The following ZNF804B variants were observed in gnomAD, a reference collection of about 807,000 sequenced individuals.
The protein encoded by ZNF804B is zinc finger protein 804B.
Under a neutral mutation model 101.4 loss-of-function variants are expected in ZNF804B, and 80 were observed. That is an observed-to-expected ratio of 0.79 (90% CI 0.66 to 0.95). The LOEUF (loss-of-function observed/expected upper bound fraction) is 0.95. Among genes scored for constraint, ZNF804B ranks in the 40% least tolerant of loss-of-function variants. The pLI, the probability that ZNF804B is intolerant of heterozygous loss-of-function variation, is 0.00. For missense variants in ZNF804B, 1,673 were observed against 1,561.9 expected, an observed-to-expected ratio of 1.07 and a Z score of -1.20; for synonymous variants, 622 against 558.8, an observed-to-expected ratio of 1.11 and a Z score of -1.59.
chr7:88,824,987 G>A (rs1279006566), intron 1 of ZNF804B, among the ~76,000 whole-genome samples: 1 of 152,110 alleles, frequency 6.6e-6, no homozygotes, highest in African/African-American at 2.4e-5. Flanking sequence ...AATGATCCTG[G>A]CTTTGAAAAC....
chr7:88,783,798 C>T (rs1279521645), intron 1 of ZNF804B, among the ~76,000 whole-genome samples: 1 of 152,008 alleles, frequency 6.6e-6, no homozygotes, highest in Middle Eastern at 3.2e-3. Flanking sequence ...AACGGTAGAA[C>T]ATAGTAGGAA....
chr7:88,980,598 A>G (rs1405035299), intron 1 of ZNF804B, among the ~76,000 whole-genome samples: 1 of 152,074 alleles, frequency 6.6e-6, no homozygotes, highest in Non-Finnish European at 1.5e-5. Flanking sequence ...TTCTTGGATA[A>G]GATCAGGAAG....
chr7:89,247,884 A>G (rs1255107427), intron 2 of ZNF804B, among the ~76,000 whole-genome samples: 1 of 152,196 alleles, frequency 6.6e-6, no homozygotes, highest in Non-Finnish European at 1.5e-5. Context: ...GAAAGAAGAG[A>G]TAAGCATATT....
chr7:89,117,228 A>T (rs1583996397), intron 1 of ZNF804B, among the ~76,000 whole-genome samples: 1 of 152,226 alleles, frequency 6.6e-6, no homozygotes, highest in East Asian at 1.9e-4. Flanking sequence ...TCTGGCCTCC[A>T]GAAATATGAC....
intron 1 of ZNF804B, among the ~76,000 whole-genome samples, chr7:89,078,810 C>T (rs1388027587): frequency 1.3e-5 from 2 of 151,812 alleles, no homozygotes; most frequent in Admixed American, 6.6e-5. Context: ...GTCTTTCTAA[C>T]CTCCCTTCTT....
chr7:89,176,802 C>T (rs899198714), intron 1 of ZNF804B, among the ~76,000 whole-genome samples: 1 of 151,384 alleles, frequency 6.6e-6, no homozygotes, highest in African/African-American at 2.4e-5. Context: ...TTTATTACAG[C>T]CTTGATCTCA....
chr7:88,787,378 A>G (rs1334330101), intron 1 of ZNF804B, among the ~76,000 whole-genome samples: 3 of 152,012 alleles, frequency 2.0e-5, no homozygotes, highest in Non-Finnish European at 2.9e-5. Context: ...CTGTTAACCA[A>G]ATAGTGAACT....
chr7:88,803,074 C>T (rs1039092997), intron 1 of ZNF804B, among the ~76,000 whole-genome samples: 4 of 151,862 alleles, frequency 2.6e-5, no homozygotes, highest in South Asian at 4.2e-4. Flanking sequence ...GAAATCTAGC[C>T]ATGTTTTAAC....
At chr7:89,004,575 C>T (rs909648468) in intron 1 of ZNF804B, among the ~76,000 whole-genome samples, 6 of 151,688 alleles carry the variant, frequency 4.0e-5, no homozygotes, top group African/African-American at 4.8e-5. Context: ...AGTGTGGTGA[C>T]GGCATGCAGG....
intron 1 of ZNF804B, among the ~76,000 whole-genome samples, chr7:88,770,996 A>T (rs1052770614): frequency 6.6e-6 from 1 of 152,198 alleles, no homozygotes; most frequent in Non-Finnish European, 1.5e-5. Flanking sequence ...ACATACTGAT[A>T]GTTCTTATAT....
intron 2 of ZNF804B, 116 bp downstream of exon 2, chr7:89,218,411 G>A (rs923045029): frequency 2.4e-6 from 3 of 1,242,160 alleles, no homozygotes; most frequent in Admixed American, 5.2e-5. Context: ...AACATTTTAT[G>A]TCTTTTTTCC....
At chr7:89,083,630 G>A (rs527384162) in intron 1 of ZNF804B, among the ~76,000 whole-genome samples, 10 of 151,762 alleles carry the variant, frequency 6.6e-5, no homozygotes, top group African/African-American at 1.2e-4. Context: ...TAGCAAAACC[G>A]TTACACTTTG....
chr7:89,025,207 A>G (rs988481319), intron 1 of ZNF804B, among the ~76,000 whole-genome samples: 7 of 152,138 alleles, frequency 4.6e-5, no homozygotes, highest in Non-Finnish European at 7.4e-5. Flanking sequence ...AATTAACTCA[A>G]TTATGATAGT....
At chr7:89,001,889 A>G (rs1430299389) in intron 1 of ZNF804B, among the ~76,000 whole-genome samples, 2 of 151,742 alleles carry the variant, frequency 1.3e-5, no homozygotes, top group African/African-American at 4.8e-5. Flanking sequence ...TCTTATCACA[A>G]TAAATATATT....
rs1791029675 is a variant in ZNF804B, at chr7:89,333,958, A to G, written c.976A>G (p.Lys326Glu). 1 of 1,613,568 alleles carries G rather than the reference A, an allele frequency of 6.2e-7. No individual in the cohort carries two copies. Among genetic ancestry groups the G allele is most frequent in the Non-Finnish European group, 8.5e-7 (1 of 1,179,758 alleles). Residue 326 changes from lysine (K) to glutamate (E), a missense_variant, in exon 4 of 4, where the codon AAA becomes GAA. Coordinates refer to ENST00000333190, the MANE Select transcript of ZNF804B (RefSeq NM_181646.5). ...DSIGIHASFS[K>E]SNIHLSDVDF... ...AATTGGCATTCATGCTTCATTCTCTAAATCTAACATTCATCTTTCAGATGT... is the reference window on the plus strand; with the variant it reads ...AATTGGCATTCATGCTTCATTCTCTGAATCTAACATTCATCTTTCAGATGT...
intron 2 of ZNF804B, among the ~76,000 whole-genome samples, chr7:89,327,075 A>T (rs1225193991): frequency 6.6e-6 from 1 of 151,940 alleles, no homozygotes; most frequent in Non-Finnish European, 1.5e-5. Context: ...AGATTATTAT[A>T]CTTGCATAGC....
intron 1 of ZNF804B, among the ~76,000 whole-genome samples, chr7:88,999,189 A>G (rs1411648679): frequency 6.6e-6 from 1 of 152,084 alleles, no homozygotes; most frequent in Non-Finnish European, 1.5e-5. Flanking sequence ...TTATTTTCAG[A>G]GACTCACACT....
In ZNF804B at chr7:88,964,060, A is replaced by T. The variant is rs1017949883; in HGVS notation, c.108+203976A>T. On this transcript the variant is annotated intron_variant, in intron 1 of 3. Coordinates refer to ENST00000333190, the MANE Select transcript of ZNF804B (RefSeq NM_181646.5). The stretch of plus-strand genomic sequence containing the variant: ...TGTTGGCAAGGATGTGGAGAAATTG[A>T]AACACTTGTGCACTGTTGCTGGGAA... Among the ~76,000 whole-genome samples the T allele has an allele frequency of 3.3e-5, 5 of 151,536 alleles. No homozygotes were observed. In the East Asian group the frequency reaches 9.8e-4, roughly 30 times the overall value.
chr7:89,045,821 T>A (rs1026768776), intron 1 of ZNF804B, among the ~76,000 whole-genome samples: 2 of 152,132 alleles, frequency 1.3e-5, no homozygotes, highest in African/African-American at 4.8e-5. Flanking sequence ...GATGAGACTT[T>A]GGACTTGGAC....
Sources: gnomAD v4.1 joint callset for allele counts (sites outside exome capture counted in the v4.1 genomes callset) on GRCh38, gnomAD v4.1.1 for gene constraint, MANE v1.5 for transcripts, NCBI Gene and HGNC (gene_info 2026-07-23, HGNC 2026-07-21) for gene names.